PKP4: variants seen among roughly 807,000 people sequenced by gnomAD.
The protein encoded by PKP4 is plakophilin 4.
In PKP4, 90 loss-of-function variants were observed where a neutral mutation model predicts 145.1. The observed-to-expected ratio is 0.62, with a 90% CI of 0.52 to 0.74. PKP4 has a LOEUF of 0.74. PKP4 is among the 30% of genes least tolerant of loss of function. The pLI is 0.00. For missense variants in PKP4, 1,340 were observed against 1,482.7 expected, an observed-to-expected ratio of 0.90 and a Z score of 1.58; for synonymous variants, 563 against 577.2, an observed-to-expected ratio of 0.98 and a Z score of 0.35.
chr2:158,567,435 G>A (rs985500651), intron 2 of PKP4, among the ~76,000 whole-genome samples: 4 of 152,220 alleles, frequency 2.6e-5, no homozygotes, highest in Admixed American at 2.0e-4. Flanking sequence ...GGCTGAGTTG[G>A]CTTTTTATAA....
chr2:158,536,937 T>C (rs3771595), intron 2 of PKP4, among the ~76,000 whole-genome samples: 35,739 of 152,142 alleles, frequency 0.23, 4,605 homozygotes, highest in Middle Eastern at 0.35. Flanking sequence ...ATATAATCAG[T>C]TACCTGAGGA....
intron 19 of PKP4, among the ~76,000 whole-genome samples, chr2:158,674,973 G>A (rs895263246): frequency 2.0e-5 from 3 of 152,114 alleles, no homozygotes; most frequent in African/African-American, 7.2e-5. Context: ...AATTGTCTGT[G>A]CTTGTTGTGT....
chr2:158,618,498 T>A (rs1370066862), intron 4 of PKP4, among the ~76,000 whole-genome samples: 2 of 152,202 alleles, frequency 1.3e-5, no homozygotes, highest in Non-Finnish European at 2.9e-5. Context: ...ATATTACTTT[T>A]GGAATAATTT....
In PKP4 at chr2:158,678,852, C is replaced by T. The variant is rs2058240413; in HGVS notation, c.3330+198C>T. 4.9e-6 allele frequency: 3 copies of T among 607,832 alleles called. No individual in the cohort carries two copies. The South Asian group carries it at 5.9e-5, about 12-fold the overall frequency. The allele number at this position is 607,832 out of a possible 1,614,324, so 37.7% of individuals were successfully genotyped here. A position where few individuals can be genotyped will look rare whatever the true frequency, so the allele number is the denominator to read the frequency against. Reference sequence around the variant, plus strand: ...GTAGCCTCACGTTCTTGAGTATCCACATCGGTACTGCTGAGACCACCGTGC... The same window carrying T: ...GTAGCCTCACGTTCTTGAGTATCCATATCGGTACTGCTGAGACCACCGTGC... On this transcript the variant is annotated intron_variant, in intron 21 of 21. Coordinates refer to ENST00000389759, the MANE Select transcript of PKP4 (RefSeq NM_003628.6).
At chr2:158,507,800 G>A (rs1161607781) in intron 1 of PKP4, among the ~76,000 whole-genome samples, 1 of 152,090 alleles carries the variant, frequency 6.6e-6, no homozygotes, top group Admixed American at 6.5e-5. Context: ...CGGGTCCACA[G>A]AATTTCCTTG....
chr2:158,630,250 T>A (rs1179088428), intron 7 of PKP4, among the ~76,000 whole-genome samples: 1 of 152,192 alleles, frequency 6.6e-6, no homozygotes, highest in East Asian at 1.9e-4. Flanking sequence ...TTTTAAGAAA[T>A]TGAAATGTTT....
At chr2:158,641,171 T>C (rs776849134) in intron 10 of PKP4, among the ~76,000 whole-genome samples, 2 of 152,066 alleles carry the variant, frequency 1.3e-5, no homozygotes, top group Non-Finnish European at 2.9e-5. Context: ...ATCCCTTCTC[T>C]ACTAAAAACA....
At chr2:158,471,571 T>A (rs1691574847) in intron 1 of PKP4, among the ~76,000 whole-genome samples, 1 of 152,252 alleles carries the variant, frequency 6.6e-6, no homozygotes, top group African/African-American at 2.4e-5. Context: ...TAGCAGAGGC[T>A]CATCACACAT....
At chr2:158,506,109 C>T (rs1273330331) in intron 1 of PKP4, among the ~76,000 whole-genome samples, 1 of 152,194 alleles carries the variant, frequency 6.6e-6, no homozygotes, top group Admixed American at 6.5e-5. Flanking sequence ...ACTGCGTTTC[C>T]TTCAGAATTG....
At chr2:158,604,614 G>T (rs144332115) in intron 4 of PKP4, among the ~76,000 whole-genome samples, 91 of 152,164 alleles carry the variant, frequency 6.0e-4, no homozygotes, top group Admixed American at 4.7e-3. Context: ...GAGGTTTTGC[G>T]TTTGGGAGGA....
intron 1 of PKP4, among the ~76,000 whole-genome samples, chr2:158,474,370 A>C (rs1692111397): frequency 6.6e-6 from 1 of 152,252 alleles, no homozygotes; most frequent in South Asian, 2.1e-4. Context: ...CAAAGCTATT[A>C]GAACCAAAAG....
intron 2 of PKP4, among the ~76,000 whole-genome samples, chr2:158,535,408 A>G (rs1013233303): frequency 2.0e-5 from 3 of 152,190 alleles, no homozygotes; most frequent in Non-Finnish European, 4.4e-5. Context: ...AATGGGATGC[A>G]TAATTATTAT....
chr2:158,587,080 G>C (rs761541382), intron 3 of PKP4, among the ~76,000 whole-genome samples: 4 of 152,122 alleles, frequency 2.6e-5, no homozygotes, highest in African/African-American at 7.2e-5. Flanking sequence ...CTCTTAGACT[G>C]AGCATTTTAA....
intron 1 of PKP4, among the ~76,000 whole-genome samples, chr2:158,530,493 ACT>A (rs1310825035): frequency 1.6e-5 from 2 of 124,402 alleles, no homozygotes; most frequent in African/African-American, 3.3e-5. Flanking sequence ...CGATAGAAGT[ACT>A]CTTTCTTTCT....
intron 1 of PKP4, among the ~76,000 whole-genome samples, chr2:158,467,033 A>G (rs549008263): frequency 6.6e-6 from 1 of 152,262 alleles, no homozygotes; most frequent in Non-Finnish European, 1.5e-5. Context: ...ATAAAATTAC[A>G]TAAATGTTAA....
At chr2:158,507,519 T>G (rs1199298152) in intron 1 of PKP4, among the ~76,000 whole-genome samples, 4 of 152,210 alleles carry the variant, frequency 2.6e-5, no homozygotes, top group African/African-American at 9.7e-5. Flanking sequence ...ACTTTGCCAG[T>G]TCAGTCCCTT....
At chr2:158,636,999 T>C (rs1027840559) in intron 9 of PKP4, among the ~76,000 whole-genome samples, 1 of 152,170 alleles carries the variant, frequency 6.6e-6, no homozygotes. Context: ...ATTGGTTGCC[T>C]TTTTTACATA....
intron 15 of PKP4, chr2:158,666,067 T>A (rs1254451852): frequency 6.2e-6 from 1 of 162,160 alleles, no homozygotes; most frequent in Non-Finnish European, 1.3e-5. Context: ...GCCTCTGGGT[T>A]TGGCAGGGGA....
chr2:158,533,257 G>T lies in PKP4; in HGVS notation c.73G>T (p.Gly25Cys). ...GACCCGCCAGGAAGCTGCCTCCACTGGCCCAGGCATGGAACCCGAGACCAC... is the reference window on the plus strand; with the variant it reads ...GACCCGCCAGGAAGCTGCCTCCACTTGCCCAGGCATGGAACCCGAGACCAC... ...PQTRQEAAST[G>C]PGMEPETTAT... The change falls in exon 2 of 22, where the codon GGC becomes TGC. Residue 25 changes from glycine (G) to cysteine (C), a missense_variant. Transcript: ENST00000389759. 5 of 1,614,112 alleles carry T rather than the reference G, an allele frequency of 3.1e-6. No individual in the cohort carries two copies. In the South Asian group the frequency reaches 5.5e-5, roughly 18 times the overall value.
Sources: allele counts gnomAD v4.1 joint callset (sites outside exome capture counted in the v4.1 genomes callset), GRCh38; gene constraint gnomAD v4.1.1; transcripts MANE v1.5; gene names NCBI Gene and HGNC (gene_info 2026-07-23, HGNC 2026-07-21).